Variants in PARL observed in about 807,000 individuals in gnomAD.
The protein encoded by PARL is presenilin associated rhomboid like, also known as presenilin-associated rhomboid-like protein, mitochondrial.
In PARL, 44 loss-of-function variants were observed where a neutral mutation model predicts 51.6. The ratio of observed to expected loss-of-function variants is 0.85; its 90% CI spans 0.67 to 1.10. The LOEUF (loss-of-function observed/expected upper bound fraction) is 1.10, where lower values mean the gene tolerates loss of function less well. PARL is among the 50% of genes least tolerant of loss of function. PARL has a pLI of 0.00. For missense variants in PARL, 441 were observed against 469.5 expected, an observed-to-expected ratio of 0.94 and a Z score of 0.56; for synonymous variants, 172 against 164.0, an observed-to-expected ratio of 1.05 and a Z score of -0.37.
rs562393156 is a variant in PARL, at chr3:183,883,147, T to C, written c.125+1575A>G. Among the ~76,000 whole-genome samples the C allele has an allele frequency of 1.1e-3, 160 of 152,344 alleles. 1 individual carries two copies. Among genetic ancestry groups the C allele is most frequent in the Non-Finnish European group, 1.2e-3 (83 of 68,032 alleles). The stretch of plus-strand genomic sequence containing the variant: ...CTGGTTCACTGTTTCAAATGGTCTT[T>C]ATACTCAATTTTTACTAGAGGCTCA... On this transcript the variant is annotated intron_variant, in intron 1 of 9. Transcript: ENST00000317096.
rs114658155 is a variant in PARL at position 183,877,464 on chromosome 3, T to C, written c.125+7258A>G. Reference sequence around the variant, plus strand: ...AGCAGCACGGTTTGAGAGGATTTACTCCTACTCTGAAAGAAGTTCTACTGT... The same window carrying C: ...AGCAGCACGGTTTGAGAGGATTTACCCCTACTCTGAAAGAAGTTCTACTGT... On this transcript the variant is annotated intron_variant, in intron 1 of 9. Transcript: ENST00000317096. Among the ~76,000 whole-genome samples the C allele has an allele frequency of 8.6e-3, 1,316 of 152,312 alleles. 20 individuals carry two copies. Among genetic ancestry groups the C allele is most frequent in the African/African-American group, 0.03 (1,265 of 41,570 alleles).
chr3:183,836,611 G>A (rs1421985452), intron 7 of PARL, among the ~76,000 whole-genome samples: 1 of 152,134 alleles, frequency 6.6e-6, no homozygotes, highest in Admixed American at 6.6e-5. Context: ...AGTGAGTCAT[G>A]AACCCTGATC....
At chr3:183,836,993 G>A (rs528200102) in intron 7 of PARL, among the ~76,000 whole-genome samples, 23 of 152,182 alleles carry the variant, frequency 1.5e-4, no homozygotes, top group Non-Finnish European at 2.1e-4. Flanking sequence ...CACCCACCTC[G>A]GCCTCCCAAA....
chr3:183,878,763 A>C (rs1203997550), intron 1 of PARL, among the ~76,000 whole-genome samples: 1 of 152,230 alleles, frequency 6.6e-6, no homozygotes. Flanking sequence ...GAGATTTTGC[A>C]TATCTAAACA....
At position 183,870,693 on chromosome 3, in the gene PARL, T is replaced by G. The variant is rs1029917925; in HGVS notation, c.126-2633A>C. On this transcript the variant is annotated intron_variant, in intron 1 of 9. Coordinates refer to ENST00000317096, the MANE Select transcript of PARL (RefSeq NM_018622.7). The stretch of plus-strand genomic sequence containing the variant: ...CTTTAAACCCCACAATAACTTTTCA[T>G]CACCCCATCAAACTCAGCACACATC... Among the ~76,000 whole-genome samples, 8 of 152,120 alleles carry G rather than the reference T, an allele frequency of 5.3e-5. No homozygotes were observed. The East Asian group carries it at 1.5e-3, about 29-fold the overall frequency.
chr3:183,848,757 A>G (rs1185206537), intron 4 of PARL, among the ~76,000 whole-genome samples: 1 of 152,206 alleles, frequency 6.6e-6, no homozygotes, highest in Non-Finnish European at 1.5e-5. Context: ...ATGACAGGTA[A>G]GTGTTTTAAG....
chr3:183,837,741 T>C (rs1728802058), intron 7 of PARL, among the ~76,000 whole-genome samples: 1 of 152,150 alleles, frequency 6.6e-6, no homozygotes, highest in Non-Finnish European at 1.5e-5. Flanking sequence ...CAAAGTCTCA[T>C]CATATCTAAA....
At chr3:183,876,339 G>A (rs1323517756) in intron 1 of PARL, among the ~76,000 whole-genome samples, 1 of 152,034 alleles carries the variant, frequency 6.6e-6, no homozygotes, top group Non-Finnish European at 1.5e-5. Flanking sequence ...AATCCACTGT[G>A]CCCAAACGGT....
chr3:183,858,256 G>A (rs1454894302), intron 4 of PARL, among the ~76,000 whole-genome samples: 2 of 152,184 alleles, frequency 1.3e-5, no homozygotes, highest in African/African-American at 4.8e-5. Context: ...AGCAACATCA[G>A]GAATAGGTAA....
chr3:183,840,360 G>A (rs903570474), intron 7 of PARL, among the ~76,000 whole-genome samples: 15 of 152,122 alleles, frequency 9.9e-5, no homozygotes, highest in African/African-American at 3.6e-4. Flanking sequence ...GCTATAGCCG[G>A]ACATTTACAA....
chr3:183,882,247 A>ATATATATATATATATT (rs1734582652), intron 1 of PARL, among the ~76,000 whole-genome samples: 12 of 23,314 alleles, frequency 5.1e-4, no homozygotes, highest in Non-Finnish European at 1.3e-3. Context: ...ATATATATTT[A>ATATATATATATATATT]TATATATATA....
chr3:183,867,697 CT>C (rs1560420613), intron 2 of PARL, among the ~76,000 whole-genome samples, 167 bp downstream of exon 2: 1 of 142,744 alleles, frequency 7.0e-6, no homozygotes, highest in Non-Finnish European at 1.5e-5. Flanking sequence ...GAGACTCCGT[CT>C]CAAAAAAAAA....
At chr3:183,831,220 C>A (rs574090736) in intron 9 of PARL, among the ~76,000 whole-genome samples, 36 of 152,372 alleles carry the variant, frequency 2.4e-4, no homozygotes, top group African/African-American at 8.7e-4. Context: ...AAGTGATCTA[C>A]TTGCCTCAGC....
At chr3:183,826,593 C>T (rs1560359332), downstream of PARL, 1 of 985,296 alleles carries the variant, frequency 1.0e-6, no homozygotes, top group Non-Finnish European at 1.2e-6. Context: ...ACAGATTCAT[C>T]TCCCAAAACA....
At chr3:183,855,931 G>A (rs182799363) in intron 4 of PARL, among the ~76,000 whole-genome samples, 214 of 151,496 alleles carry the variant, frequency 1.4e-3, no homozygotes, top group African/African-American at 5.0e-3. Flanking sequence ...ATTCTAGCCT[G>A]GGTGACAGAG....
At chr3:183,843,169 T>G in intron 5 of PARL, 1 of 980,080 alleles carries the variant, frequency 1.0e-6, no homozygotes, top group Non-Finnish European at 1.2e-6. Context: ...TAGATGTGAG[T>G]CACTATGCCC....
At chr3:183,843,422 G>A (rs895094886) in intron 5 of PARL, 4 of 281,296 alleles carry the variant, frequency 1.4e-5, no homozygotes, top group African/African-American at 2.3e-5. Flanking sequence ...GGCTGAGGTG[G>A]GAGGATCAGT....
intron 4 of PARL, among the ~76,000 whole-genome samples, chr3:183,845,916 A>G (rs1729895001): frequency 6.6e-6 from 1 of 152,214 alleles, no homozygotes; most frequent in African/African-American, 2.4e-5. Flanking sequence ...CCATGATCAT[A>G]AAGATCGGAT....
At chr3:183,856,800 A>G (rs1248434135) in intron 4 of PARL, among the ~76,000 whole-genome samples, 2 of 152,236 alleles carry the variant, frequency 1.3e-5, no homozygotes, top group Middle Eastern at 3.2e-3. Flanking sequence ...TACTCTGTAC[A>G]TTGTTGGAGG....
Sources: gnomAD v4.1 joint callset for allele counts (sites outside exome capture counted in the v4.1 genomes callset) on GRCh38, gnomAD v4.1.1 for gene constraint, MANE v1.5 for transcripts, NCBI Gene and HGNC (gene_info 2026-07-23, HGNC 2026-07-21) for gene names.